The following HBP1 variants were observed in gnomAD, a reference collection of about 807,000 sequenced individuals.
HBP1 encodes HMG box-containing protein 1.
Under a neutral mutation model 62.6 loss-of-function variants are expected in HBP1, and 20 were observed. That is an observed-to-expected ratio of 0.32 (90% CI 0.22 to 0.46). HBP1 has a LOEUF of 0.46. Among genes scored for constraint, HBP1 ranks in the 20% least tolerant of loss-of-function variants. HBP1 has a pLI of 1.00. For missense variants in HBP1, 480 were observed against 611.8 expected, an observed-to-expected ratio of 0.78 and a Z score of 2.27; for synonymous variants, 232 against 206.2, an observed-to-expected ratio of 1.12 and a Z score of -1.07.
chr7:107,192,275 G>A lies in HBP1; in HGVS notation c.1067+1958G>A, dbSNP rs77709194. ...ACTCTTCTCAGTTGTGGGAATGATG[G>A]GACCCCTCAAAATCCAAGTTCTAGA... On this transcript the variant is annotated intron_variant, in intron 8 of 10. Coordinates refer to ENST00000222574, the MANE Select transcript of HBP1 (RefSeq NM_012257.4). 2.2e-3 allele frequency among the ~76,000 whole-genome samples: 332 copies of A among 151,920 alleles called. 2 individuals are homozygous for A. The highest frequency in any genetic ancestry group is 7.8e-3 in the African/African-American group (324 of 41,422).
intron 8 of HBP1, among the ~76,000 whole-genome samples, chr7:107,193,683 C>G (rs1797757896): frequency 6.6e-6 from 1 of 151,950 alleles, no homozygotes; most frequent in Non-Finnish European, 1.5e-5. Flanking sequence ...GGCCATACCT[C>G]TTTGCTTCCA....
In HBP1 at chr7:107,195,980, C is replaced by T; in HGVS notation, c.1214C>T (p.Ser405Leu). The change falls in exon 9 of 11, where the codon TCA (serine) becomes TTA (leucine). Residue 405 changes from serine (S) to leucine (L), a missense_variant. Physicochemically the swap from Ser to Leu is moderately radical, Grantham distance 145. Coordinates refer to ENST00000222574, the MANE Select transcript of HBP1 (RefSeq NM_012257.4). Reference protein sequence around the residue: ...GFSKNCGSPGSSQLSSNSLYA... With the variant: ...GFSKNCGSPGLSQLSSNSLYA... Reference sequence around the variant, plus strand: ...AGTAAAAACTGTGGCTCACCTGGATCATCACAGCTCTCTTCCAATTCTTTG... The same window carrying T: ...AGTAAAAACTGTGGCTCACCTGGATTATCACAGCTCTCTTCCAATTCTTTG... The T allele has an allele frequency of 6.2e-7, 1 of 1,614,084 alleles. No individual in the cohort carries two copies.
In HBP1 at chr7:107,175,899, G is replaced by T. The variant is rs528705048; in HGVS notation, c.-15-3980G>T. Among the ~76,000 whole-genome samples, 146 of 151,768 alleles carry T rather than the reference G, an allele frequency of 9.6e-4. 1 individual carries two copies. In the East Asian group the frequency reaches 0.028, roughly 30 times the overall value. The stretch of plus-strand genomic sequence containing the variant: ...GCCTGGCTAATTTTTTGTATTTTTA[G>T]TAGAGACAGGGTTTCACCATGTTAG... On this transcript the variant is annotated intron_variant, in intron 1 of 10. Coordinates refer to ENST00000222574, the MANE Select transcript of HBP1 (RefSeq NM_012257.4).
chr7:107,170,343 A>T (rs1796493463), intron 1 of HBP1, among the ~76,000 whole-genome samples: 1 of 152,218 alleles, frequency 6.6e-6, no homozygotes, highest in Admixed American at 6.5e-5. Context: ...CTTTTTGAGA[A>T]TTAGAATAAT....
At chr7:107,188,881 C>T (rs1797512594) in intron 6 of HBP1, among the ~76,000 whole-genome samples, 1 of 152,156 alleles carries the variant, frequency 6.6e-6, no homozygotes, top group African/African-American at 2.4e-5. Flanking sequence ...TCCTTATTAG[C>T]TTTATTTGCC....
intron 3 of HBP1, among the ~76,000 whole-genome samples, chr7:107,184,206 G>C (rs1431847260): frequency 1.3e-5 from 2 of 152,094 alleles, no homozygotes; most frequent in Non-Finnish European, 2.9e-5. Context: ...TAGCAGTTTG[G>C]CCATTCTCTG....
At position 107,202,039 on chromosome 7, in the gene HBP1, G is replaced by C. The variant is rs1398147739; in HGVS notation, c.*608G>C. ...TGCTGCAGTTACCATGGCATGCTGA[G>C]TTGATGCACCAGGTGGCAGCAGCCA... On this transcript the variant is annotated 3_prime_UTR_variant, in exon 11 of 11. Transcript: ENST00000222574. 2 of 152,698 alleles carry C rather than the reference G, an allele frequency of 1.3e-5. No individual in the cohort carries two copies. Among genetic ancestry groups the C allele is most frequent in the African/African-American group, 4.8e-5 (2 of 41,456 alleles). 9.5% of individuals were successfully genotyped at this position (152,698 alleles called of 1,614,324 possible).
chr7:107,182,017 TATC>T (rs1191438975), intron 2 of HBP1, among the ~76,000 whole-genome samples: 7 of 152,204 alleles, frequency 4.6e-5, no homozygotes, highest in African/African-American at 9.6e-5. Context: ...TGATCTATAT[TATC>T]ATTATGGAAA....
chr7:107,195,301 C>T (rs1204161454), intron 8 of HBP1, among the ~76,000 whole-genome samples: 1 of 152,188 alleles, frequency 6.6e-6, no homozygotes, highest in Admixed American at 6.5e-5. Context: ...GGATTACAGG[C>T]GTGAGCCACC....
intron 3 of HBP1, among the ~76,000 whole-genome samples, chr7:107,183,365 G>A (rs745938859): frequency 9.9e-5 from 15 of 152,144 alleles, no homozygotes; most frequent in Non-Finnish European, 1.6e-4. Context: ...GTAATGCATT[G>A]CTAAAGAATA....
chr7:107,196,338 A>G (rs550027738), intron 9 of HBP1, 187 bp downstream of exon 9: 6 of 619,364 alleles, frequency 9.7e-6, no homozygotes, highest in South Asian at 1.6e-5. Context: ...GTACGATCTC[A>G]GCTCACTGCA....
At chr7:107,191,924 T>C (rs939679872) in intron 8 of HBP1, among the ~76,000 whole-genome samples, 11 of 152,250 alleles carry the variant, frequency 7.2e-5, no homozygotes, top group African/African-American at 2.6e-4. Flanking sequence ...CTGTGACTTA[T>C]TATGGCAAAA....
In HBP1 at chr7:107,182,500, A is replaced by G. The variant is rs999852061; in HGVS notation, c.297A>G (p.Pro99=). ...SSWNQNTSDI[P]ETTYRENEVD... ...GGAACCAAAATACCTCAGACATACC[A>G]GAAACTACTTACCGTGAAAATGAGG... Residue 99 remains proline, a synonymous_variant, in exon 3 of 11, where the codon CCA becomes CCG. Transcript: ENST00000222574. 2.5e-6 allele frequency: 4 copies of G among 1,613,152 alleles called. No homozygotes were observed. Among genetic ancestry groups the G allele is most frequent in the Non-Finnish European group, 3.4e-6 (4 of 1,179,160 alleles).
intron 1 of HBP1, 35 bp downstream of exon 1, chr7:107,169,220 TGGGGAA>T: frequency 5.8e-5 from 1 of 17,194 alleles, no homozygotes; most frequent in Non-Finnish European, 9.3e-5. Flanking sequence ...GAGGTGGGGG[TGGGGAA>T]GGGAGGGGCA....
rs768702864 is a variant in HBP1, at chr7:107,179,930, G to A, written c.37G>A (p.Ala13Thr). 4 of 1,589,014 alleles carry A rather than the reference G, an allele frequency of 2.5e-6. No individual in the cohort carries two copies. The highest frequency in any genetic ancestry group is 3.4e-6 in the Non-Finnish European group (4 of 1,163,224). ...WEVKTNQMPN[A>T]VQKLLLVMDK... ...AGTGAAGACAAATCAGATGCCTAAT[G>A]CAGTACAGAAACTCCTGTTGGTGAT... The change falls in exon 2 of 11, where the codon GCA becomes ACA. Residue 13 changes from alanine to threonine, a missense_variant. Around this residue, in one of 4 missense-constraint regions of HBP1, gnomAD observed 304 missense variants for 330.9 expected, o/e 0.92. Transcript: ENST00000222574.
At position 107,190,468 on chromosome 7, in the gene HBP1, C is replaced by A; in HGVS notation, c.1067+151C>A. 5 of 575,260 alleles carry A rather than the reference C, an allele frequency of 8.7e-6. No individual in the cohort carries two copies. The South Asian group carries it at 1.2e-4, about 14-fold the overall frequency. The allele number at this position is 575,260 out of a possible 1,614,324, so 35.6% of individuals were successfully genotyped here. On this transcript the variant is annotated intron_variant, in intron 8 of 10. Coordinates refer to ENST00000222574, the MANE Select transcript of HBP1 (RefSeq NM_012257.4). ...TTAAGAGGAAAGTATGACATGAAAA[C>A]ATATTAGGTAATTAAAGTATAATAG...
At chr7:107,186,729 A>G in intron 6 of HBP1, 48 bp downstream of exon 6, 1 of 1,040,860 alleles carries the variant, frequency 9.6e-7, no homozygotes, top group Non-Finnish European at 1.5e-6. Context: ...TCCAAATGAA[A>G]CAAGATTTAT....
chr7:107,181,634 T>C (rs1219439768), intron 2 of HBP1, among the ~76,000 whole-genome samples: 1 of 151,868 alleles, frequency 6.6e-6, no homozygotes, highest in East Asian at 1.9e-4. Context: ...TTTGTGGAGT[T>C]TGTAGGTATG....
chr7:107,195,849 T>C lies in HBP1; in HGVS notation c.1083T>C (p.Pro361=), dbSNP rs1797874180. Residue 361 remains proline, a synonymous_variant, in exon 9 of 11, where the codon CCT becomes CCC. Transcript: ENST00000222574. ...FDTFKSYDFT[P]MDSSAVYVLS... is the part of the protein sequence containing the mutation. ...AATTTTATAGCTATGACTTCACACC[T>C]ATGGATTCTTCTGCAGTTTATGTGT... 1.3e-6 allele frequency: 2 copies of C among 1,585,210 alleles called. No individual in the cohort carries two copies. Among genetic ancestry groups the C allele is most frequent in the South Asian group, 2.2e-5 (2 of 90,286 alleles).
Sources: gnomAD v4.1 joint callset for allele counts (sites outside exome capture counted in the v4.1 genomes callset) on GRCh38, gnomAD v4.1.1 for gene constraint, gnomAD v4.1.1 regional missense constraint, MANE v1.5 for transcripts, NCBI Gene and HGNC (gene_info 2026-07-23, HGNC 2026-07-21) for gene names.